Variants in SLC28A1 observed in about 807,000 individuals in gnomAD.
SLC28A1 encodes sodium/nucleoside cotransporter 1.
In SLC28A1, 64 loss-of-function variants were observed where a neutral mutation model predicts 74.8. The ratio of observed to expected loss-of-function variants is 0.86; its 90% CI spans 0.70 to 1.05. The LOEUF (loss-of-function observed/expected upper bound fraction) is 1.05. Among genes scored for constraint, SLC28A1 ranks in the 50% least tolerant of loss-of-function variants. The probability of loss-of-function intolerance (pLI) is 0.00; values close to 1 mark genes in which losing one functional copy is unlikely to be tolerated. For missense variants in SLC28A1, 828 were observed against 822.8 expected (o/e 1.01, Z -0.08); for synonymous variants, 359 against 335.0 (o/e 1.07, Z -0.78).
rs569014397 is a variant in SLC28A1, at chr15:84,915,557, A to C, written c.796-2967A>C. 5.3e-5 allele frequency among the ~76,000 whole-genome samples: 8 copies of C among 152,034 alleles called. No homozygotes were observed. The South Asian group carries it at 1.7e-3, about 32-fold the overall frequency. On this transcript the variant is annotated intron_variant, in intron 9 of 18. Transcript: ENST00000394573. ...TGTGGTCTCCCCTTCTTCATGTCTC[A>C]CTTCCACCTTGGCTCACTGACATCA...
At chr15:84,928,579 T>TCTCTCTCC (rs1567172254) in intron 12 of SLC28A1, among the ~76,000 whole-genome samples, 4 of 25,758 alleles carry the variant, frequency 1.6e-4, no homozygotes, top group Non-Finnish European at 6.2e-5. Flanking sequence ...TCTTTCTTTC[T>TCTCTCTCC]TTCTTTCTTT....
At chr15:84,932,227 C>T (rs904411415) in intron 12 of SLC28A1, among the ~76,000 whole-genome samples, 3 of 151,936 alleles carry the variant, frequency 2.0e-5, no homozygotes, top group African/African-American at 7.3e-5. Flanking sequence ...GACAGCCTGA[C>T]GACGCTTAGC....
the SLC28A1 span, among the ~76,000 whole-genome samples, chr15:84,966,549 G>A: frequency 4.7e-4 from 71 of 152,146 alleles, no homozygotes; most frequent in African/African-American, 1.7e-3. Flanking sequence ...GAATTAGTCT[G>A]TTTTCATGCT....
chr15:84,902,013 A>G (rs959280915), intron 6 of SLC28A1, among the ~76,000 whole-genome samples: 23 of 152,274 alleles, frequency 1.5e-4, no homozygotes, highest in African/African-American at 5.3e-4. Context: ...ATATAATGGA[A>G]TACTACTCAG....
At chr15:84,910,432 A>G (rs1967983428) in intron 9 of SLC28A1, among the ~76,000 whole-genome samples, 1 of 152,202 alleles carries the variant, frequency 6.6e-6, no homozygotes, top group South Asian at 2.1e-4. Context: ...CTTACACTTT[A>G]AAACACACAC....
intron 12 of SLC28A1, among the ~76,000 whole-genome samples, chr15:84,925,067 G>GTTTTTT (rs964017770): frequency 4.8e-4 from 40 of 84,142 alleles, no homozygotes; most frequent in East Asian, 7.7e-4. Context: ...CGCCCAGCTA[G>GTTTTTT]TTTTTTTTTT....
intron 18 of SLC28A1, 77 bp from the exon 19 acceptor site, chr15:84,945,048 C>G: frequency 7.5e-7 from 1 of 1,326,522 alleles, no homozygotes. Flanking sequence ...AAACAGTGTT[C>G]CCGGTGTTGC....
At chr15:84,938,406 C>T (rs1270860669) in intron 15 of SLC28A1, 16 of 152,038 alleles carry the variant, frequency 1.1e-4, no homozygotes, top group Admixed American at 9.8e-4. Context: ...TAGATGCAGG[C>T]ACACAGTGTA....
In SLC28A1 at chr15:84,887,814, C is replaced by A; in HGVS notation, c.54C>A (p.Ala18=). ...RRESISLTPV[A]KGLENMGADF... ...AGTCCATCTCTCTCACACCTGTGGCCAAGGGTCTGGAGAACATGGGGGCTG... is the reference window on the plus strand; with the variant it reads ...AGTCCATCTCTCTCACACCTGTGGCAAAGGGTCTGGAGAACATGGGGGCTG... Residue 18 remains alanine, a synonymous_variant, in exon 3 of 19, where the codon GCC becomes GCA. Coordinates refer to ENST00000394573, the MANE Select transcript of SLC28A1 (RefSeq NM_004213.5). 1 of 1,614,070 alleles carries A rather than the reference C, an allele frequency of 6.2e-7. No homozygotes were observed. Among genetic ancestry groups the A allele is most frequent in the Non-Finnish European group, 8.5e-7 (1 of 1,179,932 alleles).
intron 12 of SLC28A1, among the ~76,000 whole-genome samples, chr15:84,930,421 GC>G (rs1397159792): frequency 2.0e-5 from 3 of 152,198 alleles, no homozygotes; most frequent in African/African-American, 7.2e-5. Context: ...GAGGTATCAG[GC>G]TGCTGCCAAT....
chr15:84,933,969 C>T (rs1055106520), intron 13 of SLC28A1, among the ~76,000 whole-genome samples: 14 of 152,040 alleles, frequency 9.2e-5, no homozygotes, highest in African/African-American at 2.4e-4. Flanking sequence ...AGCGAAACTC[C>T]GTCTCAAAAA....
chr15:84,966,979 C>T, the SLC28A1 span, among the ~76,000 whole-genome samples: 6 of 152,004 alleles, frequency 3.9e-5, no homozygotes, highest in Non-Finnish European at 7.4e-5. Flanking sequence ...GGGGGTCTTG[C>T]TATGTTGCCC....
In SLC28A1 at chr15:84,886,803, G is replaced by A; in HGVS notation, c.-17+16G>A. 1 of 981,114 alleles carries A rather than the reference G, an allele frequency of 1.0e-6. No homozygotes were observed. Among genetic ancestry groups the A allele is most frequent in the South Asian group, 4.7e-5 (1 of 21,200 alleles). The allele number at this position is 981,114 out of a possible 1,614,324, so 60.8% of individuals were successfully genotyped here. On this transcript the variant is annotated intron_variant, in intron 2 of 18. Transcript: ENST00000394573. ...CCGCAAATACGTGAGTAGAAACAGG[G>A]CCCCGCTTCTGTGTGCGCTGCTGTG...
At chr15:84,910,946 G>T (rs1372268588) in intron 9 of SLC28A1, among the ~76,000 whole-genome samples, 1 of 152,204 alleles carries the variant, frequency 6.6e-6, no homozygotes, top group Non-Finnish European at 1.5e-5. Flanking sequence ...GAGCTAGGCA[G>T]GAAGAGGAAA....
downstream of SLC28A1, among the ~76,000 whole-genome samples, chr15:84,948,168 C>T (rs1401622764): frequency 1.3e-5 from 2 of 152,158 alleles, no homozygotes; most frequent in African/African-American, 4.8e-5. Context: ...CTGCCCTCAC[C>T]TCTGCTGCCC....
chr15:84,922,478 A>G (rs1293731619), intron 11 of SLC28A1, among the ~76,000 whole-genome samples: 1 of 151,882 alleles, frequency 6.6e-6, no homozygotes, highest in Non-Finnish European at 1.5e-5. Context: ...CATCCAATCT[A>G]TCAGCATTCC....
chr15:84,963,243 C>T, the SLC28A1 span, among the ~76,000 whole-genome samples: 1 of 152,190 alleles, frequency 6.6e-6, no homozygotes, highest in Non-Finnish European at 1.5e-5. Flanking sequence ...AGCCACACCC[C>T]TTACTCTCAT....
At chr15:84,918,337 A>G (rs1363571664) in intron 9 of SLC28A1, among the ~76,000 whole-genome samples, 187 bp from the exon 10 acceptor site, 1 of 152,056 alleles carries the variant, frequency 6.6e-6, no homozygotes, top group Non-Finnish European at 1.5e-5. Flanking sequence ...GCTGCCTCCA[A>G]AGAGGCCCTG....
At chr15:84,905,020 A>G (rs1338457151) in intron 7 of SLC28A1, among the ~76,000 whole-genome samples, 7 of 152,166 alleles carry the variant, frequency 4.6e-5, no homozygotes, top group Non-Finnish European at 7.3e-5. Flanking sequence ...GAATTATTAA[A>G]TGCTCATCAA....
Sources: allele counts gnomAD v4.1 joint callset (sites outside exome capture counted in the v4.1 genomes callset), GRCh38; gene constraint gnomAD v4.1.1; transcripts MANE v1.5; gene names NCBI Gene and HGNC (gene_info 2026-07-23, HGNC 2026-07-21).